Variants in VIPR2 observed in about 807,000 individuals in gnomAD.
VIPR2 encodes vasoactive intestinal polypeptide receptor 2.
VIPR2 carries 48 observed loss-of-function variants against 58.0 expected under a neutral mutation model. That is an observed-to-expected ratio of 0.83 (90% CI 0.66 to 1.05). VIPR2 has a LOEUF of 1.05. Among genes scored for constraint, VIPR2 ranks in the 50% least tolerant of loss-of-function variants. The pLI, the probability that VIPR2 is intolerant of heterozygous loss-of-function variation, is 0.00. For synonymous variants in VIPR2, 243 were observed against 235.2 expected (o/e 1.03, Z -0.30); for missense variants, 534 against 558.0 (o/e 0.96, Z 0.43).
chr7:159,103,513 C>T (rs1023859843), intron 4 of VIPR2, among the ~76,000 whole-genome samples: 54 of 152,322 alleles, frequency 3.5e-4, no homozygotes, highest in African/African-American at 1.3e-3. Context: ...CAGACACATA[C>T]ACAGCAGGTC....
At chr7:159,110,004 G>C in intron 2 of VIPR2, 85 bp from the exon 3 acceptor site, 6 of 1,274,668 alleles carry the variant, frequency 4.7e-6, no homozygotes, top group Non-Finnish European at 6.7e-6. Context: ...TAACTGCCTC[G>C]CAAACTCCTT....
intron 10 of VIPR2, among the ~76,000 whole-genome samples, chr7:159,033,573 A>C (rs1048945124): frequency 2.0e-5 from 3 of 152,170 alleles, no homozygotes; most frequent in Non-Finnish European, 4.4e-5. Context: ...TAGCTGGATG[A>C]CTGGGGGTGA....
Position 159,058,712 on chromosome 7 carries a change from G to A in VIPR2, c.358-134C>T, listed in dbSNP as rs192541088. Reference sequence around the variant, plus strand: ...TGCCTGGAAGGCACGAGATAGTCTCGCTTTATAATTCCACCTCCATTTTGA... The same window carrying A: ...TGCCTGGAAGGCACGAGATAGTCTCACTTTATAATTCCACCTCCATTTTGA... On this transcript the variant is annotated intron_variant, in intron 4 of 12. Coordinates refer to ENST00000262178, the MANE Select transcript of VIPR2 (RefSeq NM_003382.5). 60 of 651,060 alleles carry A rather than the reference G, an allele frequency of 9.2e-5. No homozygotes were observed. In the Admixed American group the frequency reaches 1.4e-3, roughly 15 times the overall value. 40.3% of individuals were successfully genotyped at this position (651,060 alleles called of 1,614,324 possible).
chr7:159,047,987 G>A (rs1563271032), intron 5 of VIPR2, among the ~76,000 whole-genome samples: 1 of 152,084 alleles, frequency 6.6e-6, no homozygotes, highest in African/African-American at 2.4e-5. Context: ...GCTTATTTGT[G>A]ACATAGCTAG....
rs1853540056 is a variant in VIPR2 at position 159,031,022 on chromosome 7, G to A, written c.1144-233C>T. Reference sequence around the variant, plus strand: ...CCAGACTCTAAGACTGTGCGTGGGTGGTTCGGGGATCGCCACTGCCGCGGT... The same window carrying A: ...CCAGACTCTAAGACTGTGCGTGGGTAGTTCGGGGATCGCCACTGCCGCGGT... On this transcript the variant is annotated intron_variant, in intron 12 of 12. Coordinates refer to ENST00000262178, the MANE Select transcript of VIPR2 (RefSeq NM_003382.5). The surrounding 1 kb of genome is among the most constrained non-coding windows in gnomAD (Gnocchi z 4.0). Among the ~76,000 whole-genome samples, 1 of 152,242 alleles carries A rather than the reference G, an allele frequency of 6.6e-6. No individual in the cohort carries two copies. The highest frequency in any genetic ancestry group is 2.4e-5 in the African/African-American group (1 of 41,462).
chr7:159,144,296 AC>A, intron 1 of VIPR2: 1 of 1,393,192 alleles, frequency 7.2e-7, no homozygotes, highest in Non-Finnish European at 9.4e-7. Flanking sequence ...ACTAAAACTA[AC>A]CAGTAAGTAC....
At chr7:159,125,663 T>G (rs1001492298) in intron 2 of VIPR2, among the ~76,000 whole-genome samples, 1 of 152,234 alleles carries the variant, frequency 6.6e-6, no homozygotes, top group African/African-American at 2.4e-5. Context: ...GCTGCAGTTA[T>G]GATTGGCAGC....
At chr7:159,141,215 CAG>C (rs2129498339) in intron 2 of VIPR2, among the ~76,000 whole-genome samples, 1 of 152,374 alleles carries the variant, frequency 6.6e-6, no homozygotes, top group East Asian at 1.9e-4. Flanking sequence ...TTTCCCAGGA[CAG>C]ACTCTCAGCA....
chr7:159,043,069 C>A lies in VIPR2; in HGVS notation c.563G>T (p.Gly188Val), dbSNP rs1854442645. ...TGGCTGGTCAGGGCAGTGCAACGTG[C>A]CAGAGCTGGAGTAGAGAACGTCGTC... ...VKDDVLYSSS[G>V]TLHCPDQPSS... is the part of the protein sequence containing the mutation. Residue 188 changes from glycine to valine, a missense_variant, in exon 6 of 13, where the codon GGC (glycine) becomes GTC (valine). By Grantham distance (109) the Gly-to-Val change is moderately radical. Coordinates refer to ENST00000262178, the MANE Select transcript of VIPR2 (RefSeq NM_003382.5). 1.2e-6 allele frequency: 2 copies of A among 1,614,132 alleles called. No homozygotes were observed. The highest frequency in any genetic ancestry group is 1.7e-6 in the Non-Finnish European group (2 of 1,180,010).
At chr7:159,069,173 C>T (rs978420772) in intron 4 of VIPR2, among the ~76,000 whole-genome samples, 3 of 152,330 alleles carry the variant, frequency 2.0e-5, no homozygotes, top group East Asian at 1.9e-4. Flanking sequence ...GTTTCACTAC[C>T]GCCTCAGCAA....
chr7:159,035,249 G>A (rs150532769), intron 8 of VIPR2, among the ~76,000 whole-genome samples: 2,124 of 152,268 alleles, frequency 0.014, 19 homozygotes, highest in Non-Finnish European at 0.024. Context: ...TTCCCTCGGG[G>A]GCCGAGGGCA....
At position 159,115,798 on chromosome 7, in the gene VIPR2, C is replaced by T. The variant is rs559112370; in HGVS notation, c.152-5879G>A. ...AACTCAGGCTGGCAAAGCTGGTGTC[C>T]GAGCTGCCCCACGCCCTCTAGCTGC... On this transcript the variant is annotated intron_variant, in intron 2 of 12. Transcript: ENST00000262178. Among the ~76,000 whole-genome samples, 8 of 152,356 alleles carry T rather than the reference C, an allele frequency of 5.3e-5. No individual in the cohort carries two copies. The South Asian group carries it at 1.0e-3, about 20-fold the overall frequency.
In VIPR2 at chr7:159,030,503, G is replaced by T; in HGVS notation, c.*113C>A. 7.4e-7 allele frequency: 1 copy of T among 1,355,540 alleles called. No homozygotes were observed. The highest frequency in any genetic ancestry group is 9.8e-7 in the Non-Finnish European group (1 of 1,023,460). The allele number at this position is 1,355,540 out of a possible 1,614,324, so 84.0% of individuals were successfully genotyped here. On this transcript the variant is annotated 3_prime_UTR_variant, in exon 13 of 13. Transcript: ENST00000262178. ...ACCAGCTTGACGGAGTCAGGACCGC[G>T]CTGACCTGCCCGACACGGTGCTCGG...
In VIPR2 at chr7:159,096,840, G is replaced by C; in HGVS notation, c.357+6917C>G. ...CAGCTCTTGTCCCGGCCCACCTCGG[G>C]ATGCTTCCGCCGTACTGTGTCCATG... On this transcript the variant is annotated intron_variant, in intron 4 of 12. Transcript: ENST00000262178. The surrounding 1 kb of genome is among the most constrained non-coding windows in gnomAD (Gnocchi z 5.5). 6.7e-7 allele frequency: 1 copy of C among 1,490,586 alleles called. No individual in the cohort carries two copies. Among genetic ancestry groups the C allele is most frequent in the Non-Finnish European group, 9.0e-7 (1 of 1,110,250 alleles). 92.3% of individuals were successfully genotyped at this position (1,490,586 alleles called of 1,614,324 possible).
chr7:159,042,916 G>A, intron 6 of VIPR2, 119 bp downstream of exon 6: 1 of 1,342,174 alleles, frequency 7.5e-7, no homozygotes. Context: ...CTGTTTCTCA[G>A]CCATGACCCT....
intron 4 of VIPR2, among the ~76,000 whole-genome samples, chr7:159,063,454 C>A (rs1045431284): frequency 6.6e-6 from 1 of 151,974 alleles, no homozygotes; most frequent in African/African-American, 2.4e-5. Context: ...ACCGAGCCCA[C>A]GAACTTGCGC....
chr7:159,033,816 C>T (rs1001047693), intron 10 of VIPR2, among the ~76,000 whole-genome samples: 3 of 152,102 alleles, frequency 2.0e-5, no homozygotes, highest in Non-Finnish European at 4.4e-5. Context: ...GGCTGTATAA[C>T]ATGTAAGTGG....
At chr7:159,034,683 C>A in intron 8 of VIPR2, 33 bp from the exon 9 acceptor site, 1 of 1,599,360 alleles carries the variant, frequency 6.3e-7, no homozygotes, top group Non-Finnish European at 8.6e-7. Context: ...CAGGTTACCA[C>A]CAACCACTTT....
chr7:159,049,022 C>A (rs191972731), intron 5 of VIPR2, among the ~76,000 whole-genome samples: 6 of 152,264 alleles, frequency 3.9e-5, no homozygotes, highest in Admixed American at 3.9e-4. Flanking sequence ...CATGCCACCC[C>A]CATTACTGCA....
Sources: gnomAD v4.1 joint callset for allele counts (sites outside exome capture counted in the v4.1 genomes callset) on GRCh38, gnomAD v4.1.1 for gene constraint, Gnocchi (gnomAD v3.1) non-coding constraint, MANE v1.5 for transcripts, NCBI Gene and HGNC (gene_info 2026-07-23, HGNC 2026-07-21) for gene names.